Variants in SBK1 observed in about 807,000 individuals in gnomAD.
The protein encoded by SBK1 is serine/threonine-protein kinase SBK1.
Under a neutral mutation model 24.4 loss-of-function variants are expected in SBK1, and 11 were observed. The ratio of observed to expected loss-of-function variants is 0.45; its 90% confidence interval spans 0.28 to 0.75. The LOEUF (loss-of-function observed/expected upper bound fraction) is 0.75, where lower values mean the gene tolerates loss of function less well. Ranked by LOEUF, SBK1 falls within the 30% of genes least tolerant of loss-of-function variation. SBK1 has a pLI of 0.12. For synonymous variants in SBK1, 308 were observed against 284.4 expected, an observed-to-expected ratio of 1.08 and a Z score of -0.83; for missense variants, 467 against 620.5, an observed-to-expected ratio of 0.75 and a Z score of 2.63.
chr16:28,309,395 G>A lies in SBK1; in HGVS notation c.-7-7990G>A, dbSNP rs1281806699. Among the ~76,000 whole-genome samples the A allele has an allele frequency of 5.3e-5, 8 of 152,176 alleles. No homozygotes were observed. In the East Asian group the frequency reaches 5.8e-4, roughly 11 times the overall value. Reference sequence around the variant, plus strand: ...TTGTAGTATAGGAGAGGACACACGCGTTGCTGAGGGACAGGTGGCTGTCTG... The same window carrying A: ...TTGTAGTATAGGAGAGGACACACGCATTGCTGAGGGACAGGTGGCTGTCTG... On this transcript the variant is annotated intron_variant, in intron 1 of 3. Coordinates refer to ENST00000341901, the MANE Select transcript of SBK1 (RefSeq NM_001024401.3).
chr16:28,282,777 A>G (rs568518152), intron 1 of SBK1, among the ~76,000 whole-genome samples: 29 of 152,232 alleles, frequency 1.9e-4, no homozygotes, highest in African/African-American at 7.0e-4. Context: ...GGCAGGGGCT[A>G]AACTCCAAGG....
At chr16:28,259,140 A>G (rs1259562710), upstream of SBK1, 2 of 152,428 alleles carry the variant, frequency 1.3e-5, no homozygotes, top group East Asian at 3.9e-4. This position sits in a 1 kb window ranked among gnomAD's most constrained non-coding sequence, Gnocchi z 6.0. Context: ...ACCGCTTCGC[A>G]CGGCCCAGCC....
intron 1 of SBK1, among the ~76,000 whole-genome samples, chr16:28,314,364 T>G (rs1410595471): frequency 7.2e-6 from 1 of 138,794 alleles, no homozygotes; most frequent in Admixed American, 7.9e-5. Flanking sequence ...AGGGTCTTGC[T>G]CAGGCCGGTC....
Position 28,319,436 on chromosome 16 carries a change from A to G in SBK1, c.429+239A>G, listed in dbSNP as rs2044821809. On this transcript the variant is annotated intron_variant, in intron 3 of 3. Coordinates refer to ENST00000341901, the MANE Select transcript of SBK1 (RefSeq NM_001024401.3). This position sits in a 1 kb window ranked among gnomAD's most constrained non-coding sequence, Gnocchi z 4.0. ...GATGGAGATGAGTGCCTAAAAGGAG[A>G]CAGTGAGAATGATGGGATGAAGTCA... 6.6e-6 allele frequency among the ~76,000 whole-genome samples: 1 copy of G among 152,082 alleles called. No individual in the cohort carries two copies. The highest frequency in any genetic ancestry group is 6.5e-5 in the Admixed American group (1 of 15,274).
rs1325682728 is a variant in SBK1, at chr16:28,320,825, C to T, written c.1179C>T (p.Gly393=). Residue 393 remains glycine (G), a synonymous_variant, in exon 4 of 4, where the codon GGC becomes GGT. Coordinates refer to ENST00000341901, the MANE Select transcript of SBK1 (RefSeq NM_001024401.3). This position sits in a 1 kb window ranked among gnomAD's most constrained non-coding sequence, Gnocchi z 8.5. ...VPVPVPVPEP[G]LAPQGPPGRT... Reference sequence around the variant, plus strand: ...TGCCGGTGCCTGTGCCCGAGCCCGGCCTAGCTCCCCAGGGGCCCCCCGGCC... The same window carrying T: ...TGCCGGTGCCTGTGCCCGAGCCCGGTCTAGCTCCCCAGGGGCCCCCCGGCC... 1.4e-6 allele frequency: 2 copies of T among 1,460,140 alleles called. No homozygotes were observed. The highest frequency in any genetic ancestry group is 2.5e-5 in the South Asian group (2 of 80,530). The allele number at this position is 1,460,140 out of a possible 1,614,324, so 90.4% of individuals were successfully genotyped here. A position where few individuals can be genotyped will look rare whatever the true frequency, so the allele number is the denominator to read the frequency against.
chr16:28,299,603 C>T (rs1596548700), intron 1 of SBK1, among the ~76,000 whole-genome samples: 2 of 152,164 alleles, frequency 1.3e-5, no homozygotes, highest in Admixed American at 1.3e-4. Flanking sequence ...TGCCCCAGGC[C>T]TCCCCGAGAA....
chr16:28,262,872 G>A (rs1056313226), intron 1 of SBK1, among the ~76,000 whole-genome samples: 5 of 152,274 alleles, frequency 3.3e-5, no homozygotes, highest in Middle Eastern at 3.4e-3. Context: ...GTGTGTGTGT[G>A]TTTTGGGGTG....
chr16:28,322,933 T>TCC lies in SBK1; in HGVS notation c.*2013_*2014insCC, dbSNP rs2044866665. ...CTCTCGCGCGCGCTCTCTCTCTCCC[T>TCC]CTCTCTCTCTCTCTCTCTCTCTCTC... is the stretch of plus-strand genomic sequence containing the variant. On this transcript the variant is annotated 3_prime_UTR_variant, in exon 4 of 4. Coordinates refer to ENST00000341901, the MANE Select transcript of SBK1 (RefSeq NM_001024401.3). The TCC allele has an allele frequency of 4.5e-4, 4 of 8,982 alleles. No individual in the cohort carries two copies. The Admixed American group carries it at 6.1e-3, about 14-fold the overall frequency. The allele number at this position is 8,982 out of a possible 1,614,324, so 0.6% of individuals were successfully genotyped here.
intron 1 of SBK1, among the ~76,000 whole-genome samples, chr16:28,261,428 T>TACACACACACACACAC (rs35296302): frequency 3.0e-4 from 37 of 124,674 alleles, no homozygotes; most frequent in African/African-American, 1.0e-3. Flanking sequence ...GACTCCCGTC[T>TACACACACACACACAC]ACACACACAC....
chr16:28,290,674 A>C (rs2044592744), upstream of SBK1: 1 of 152,000 alleles, frequency 6.6e-6, no homozygotes, highest in Non-Finnish European at 1.5e-5. Context: ...GAAGGAAAGA[A>C]GAAAGGAAGG....
chr16:28,304,944 C>T (rs959209952), intron 1 of SBK1, among the ~76,000 whole-genome samples: 3 of 152,028 alleles, frequency 2.0e-5, no homozygotes, highest in African/African-American at 7.2e-5. Context: ...GTGTCTCACT[C>T]TGTTACCCAG....
intron 1 of SBK1, among the ~76,000 whole-genome samples, chr16:28,304,825 G>A (rs919900458): frequency 2.0e-4 from 30 of 151,958 alleles, no homozygotes; most frequent in Non-Finnish European, 2.9e-4. Context: ...AGCCAGGATG[G>A]TCTCGATCTC....
At position 28,313,597 on chromosome 16, in the gene SBK1, T is replaced by TAA. The variant is rs61145714; in HGVS notation, c.-7-3773_-7-3772dup. ...TGGGTGACAGAGCGATACCCTGTCT[T>TAA]AAAAAAAAAAAAAAAACATACTGAC... On this transcript the variant is annotated intron_variant, in intron 1 of 3. Transcript: ENST00000341901. Among the ~76,000 whole-genome samples, 568 of 134,894 alleles carry TAA rather than the reference T, an allele frequency of 4.2e-3. 4 individuals are homozygous for TAA. The highest frequency in any genetic ancestry group is 0.012 in the Middle Eastern group (3 of 254). 88.5% of individuals were successfully genotyped at this position (134,894 alleles called of 152,430 possible).
At chr16:28,279,260 G>A (rs1395023478) in intron 1 of SBK1, among the ~76,000 whole-genome samples, 1 of 151,494 alleles carries the variant, frequency 6.6e-6, no homozygotes, top group Non-Finnish European at 1.5e-5. Flanking sequence ...ACAGCTGGGC[G>A]CTATGGCTCA....
chr16:28,266,754 A>AC (rs2044431164), intron 1 of SBK1, among the ~76,000 whole-genome samples: 2 of 148,038 alleles, frequency 1.4e-5, no homozygotes, highest in East Asian at 3.9e-4. Flanking sequence ...TTTTTAAAAA[A>AC]AAAACAAAAC....
Position 28,317,375 on chromosome 16 carries a change from T to C in SBK1, c.-7-10T>C. ...TGTCACACTTCATGCTCACCACCCC[T>C]ACCCAACAGGGAGAAGATGAGCGTG... On this transcript the variant is annotated splice_polypyrimidine_tract_variant and intron_variant, in intron 1 of 3. Transcript: ENST00000341901. The surrounding 1 kb of genome is among the most constrained non-coding windows in gnomAD (Gnocchi z 4.2). 2 of 1,606,630 alleles carry C rather than the reference T, an allele frequency of 1.2e-6. No homozygotes were observed. The highest frequency in any genetic ancestry group is 1.1e-5 in the South Asian group (1 of 90,862).
chr16:28,269,713 CAAAAA>C (rs35633204), intron 1 of SBK1, among the ~76,000 whole-genome samples: 1 of 144,100 alleles, frequency 6.9e-6, no homozygotes, highest in Non-Finnish European at 1.5e-5. Context: ...ACTAAAAATA[CAAAAA>C]AAAAAAAATT....
At chr16:28,268,426 T>G (rs868326086) in intron 1 of SBK1, among the ~76,000 whole-genome samples, 7 of 151,290 alleles carry the variant, frequency 4.6e-5, no homozygotes, top group East Asian at 2.0e-4. Context: ...AAAATGGGTT[T>G]TTTTTTTTTT....
intron 1 of SBK1, among the ~76,000 whole-genome samples, chr16:28,305,676 C>G (rs967281833): frequency 6.6e-6 from 1 of 151,524 alleles, no homozygotes; most frequent in Non-Finnish European, 1.5e-5. Context: ...GGATTACAGG[C>G]GCCTGCCACC....
Sources: allele counts gnomAD v4.1 joint callset (sites outside exome capture counted in the v4.1 genomes callset), GRCh38; gene constraint gnomAD v4.1.1; non-coding constraint Gnocchi (gnomAD v3.1); transcripts MANE v1.5; gene names NCBI Gene and HGNC (gene_info 2026-07-23, HGNC 2026-07-21).